The following KALRN variants were observed in gnomAD, a reference collection of about 807,000 sequenced individuals.
The protein encoded by KALRN is kalirin.
In KALRN, 70 loss-of-function variants were observed where a neutral mutation model predicts 353.7. The ratio of observed to expected loss-of-function variants is 0.20; its 90% CI spans 0.16 to 0.24. The LOEUF is 0.24. KALRN is among the 10% of genes least tolerant of loss of function. The pLI is 1.00. For missense variants in KALRN, 2,791 were observed against 3,756.7 expected, an observed-to-expected ratio of 0.74 and a Z score of 6.72; for synonymous variants, 1,391 against 1,434.8, an observed-to-expected ratio of 0.97 and a Z score of 0.69.
intron 34 of KALRN, among the ~76,000 whole-genome samples, chr3:124,578,023 A>G (rs974137957): frequency 1.3e-5 from 2 of 152,232 alleles, no homozygotes; most frequent in African/African-American, 4.8e-5. Flanking sequence ...CATAAAGAAG[A>G]AACCCCAACC....
intron 4 of KALRN, among the ~76,000 whole-genome samples, chr3:124,265,857 T>A (rs1161717012): frequency 6.6e-6 from 1 of 152,212 alleles, no homozygotes; most frequent in Non-Finnish European, 1.5e-5. Context: ...ACGCCTGTAC[T>A]GTAATCCCAA....
At chr3:124,302,398 A>G (rs1364849508) in intron 6 of KALRN, among the ~76,000 whole-genome samples, 2 of 152,238 alleles carry the variant, frequency 1.3e-5, no homozygotes, top group South Asian at 2.1e-4. Flanking sequence ...ACATTTTTCA[A>G]TCAACCATCT....
intron 10 of KALRN, among the ~76,000 whole-genome samples, chr3:124,347,653 C>T (rs1218309697): frequency 6.6e-6 from 1 of 152,060 alleles, no homozygotes; most frequent in Non-Finnish European, 1.5e-5. Context: ...TTAGATTCCT[C>T]ATCACCCCAG....
intron 9 of KALRN, 95 bp from the exon 10 acceptor site, chr3:124,347,048 T>A: frequency 6.4e-7 from 1 of 1,564,906 alleles, no homozygotes; most frequent in Non-Finnish European, 8.7e-7. Flanking sequence ...TGGGATGGGA[T>A]ATAGGGGTGG....
intron 1 of KALRN, among the ~76,000 whole-genome samples, chr3:124,171,869 T>G (rs1437746180): frequency 6.6e-6 from 1 of 152,122 alleles, no homozygotes. Flanking sequence ...CCTCCTGGGG[T>G]CCTGGGAAAG....
chr3:124,392,210 C>T (rs1402160305), intron 11 of KALRN, among the ~76,000 whole-genome samples: 10 of 152,096 alleles, frequency 6.6e-5, no homozygotes, highest in African/African-American at 2.4e-4. Flanking sequence ...CCAACATGCC[C>T]AGCTAATTTT....
rs759088354 is a variant in KALRN at position 124,395,326 on chromosome 3, G to A, written c.2154G>A (p.Gly718=). The A allele has an allele frequency of 5.0e-6, 8 of 1,612,570 alleles. No homozygotes were observed. Among genetic ancestry groups the A allele is most frequent in the Non-Finnish European group, 5.9e-6 (7 of 1,179,618 alleles). ...QQLRSAPPSL[G]EPSEARDSAV... The stretch of plus-strand genomic sequence containing the variant: ...TCAGGTCAGCGCCTCCCTCCCTCGG[G>A]GAGCCCAGCGAGGCCAGGTCAGCAT... Residue 718 remains glycine, a synonymous_variant, in exon 12 of 60, where the codon GGG becomes GGA. Transcript: ENST00000682506.
At chr3:124,070,640 G>A (rs958776043) in intron 1 of KALRN, among the ~76,000 whole-genome samples, 2 of 152,210 alleles carry the variant, frequency 1.3e-5, no homozygotes, top group African/African-American at 4.8e-5. Context: ...AGACCGTTAA[G>A]CTCCTGGAGG....
intron 1 of KALRN, among the ~76,000 whole-genome samples, chr3:124,149,352 G>A (rs988441397): frequency 1.3e-5 from 2 of 152,204 alleles, no homozygotes; most frequent in African/African-American, 4.8e-5. Context: ...ACAAGTAGGA[G>A]TCTTGGCACC....
rs750334523 is a variant in KALRN at position 124,701,940 on chromosome 3, G to A, written c.7997-98G>A. On this transcript the variant is annotated intron_variant, in intron 56 of 59. Transcript: ENST00000682506. ...AGTCAGACTCCATATTTGGTCATGA[G>A]AATTGCTTTGGGGTTACTCTGGAGC... The A allele has an allele frequency of 3.5e-6, 3 of 846,858 alleles. No homozygotes were observed. The Admixed American group carries it at 5.5e-5, about 15-fold the overall frequency. 52.5% of individuals were successfully genotyped at this position (846,858 alleles called of 1,614,324 possible).
chr3:124,425,919 G>C (rs530351886), intron 15 of KALRN, among the ~76,000 whole-genome samples: 1 of 152,228 alleles, frequency 6.6e-6, no homozygotes, highest in East Asian at 1.9e-4. Context: ...TCATGAGTGG[G>C]AAGACAAAAA....
At chr3:124,704,317 A>C (rs2062492525) in intron 57 of KALRN, among the ~76,000 whole-genome samples, 1 of 152,188 alleles carries the variant, frequency 6.6e-6, no homozygotes, top group Non-Finnish European at 1.5e-5. Flanking sequence ...TGCTATTATT[A>C]GCCATAGGTT....
At chr3:124,584,731 C>A in intron 34 of KALRN, 2 of 1,503,664 alleles carry the variant, frequency 1.3e-6, no homozygotes, top group Middle Eastern at 4.6e-4. Context: ...AGCCGGCTCT[C>A]GGGCGGCGGC....
rs755363438 is a variant in KALRN at position 124,413,488 on chromosome 3, G to A, written c.2365G>A (p.Ala789Thr). The A allele has an allele frequency of 5.0e-6, 8 of 1,613,926 alleles. No individual in the cohort carries two copies. The East Asian group carries it at 1.1e-4, about 22-fold the overall frequency. Residue 789 changes from alanine (A) to threonine (T), a missense_variant, in exon 14 of 60, where the codon GCC (alanine) becomes ACC (threonine). Ala to Thr is a moderately conservative substitution (Grantham distance 58). This residue lies in a region of KALRN where 452 missense variants were observed against 575.8 expected (regional missense o/e 0.78). Coordinates refer to ENST00000682506, the MANE Select transcript of KALRN (RefSeq NM_001388419.1). Reference protein sequence around the residue: ...YTIEVTAELDAWNEDLLRQMN... With the variant: ...YTIEVTAELDTWNEDLLRQMN... The stretch of plus-strand genomic sequence containing the variant: ...CTCACAGGTGACAGCAGAGCTAGAC[G>A]CCTGGAATGAAGACTTGCTTCGGCA...
intron 1 of KALRN, among the ~76,000 whole-genome samples, chr3:124,226,203 G>A (rs1444759): frequency 0.43 from 65,625 of 151,852 alleles, 14,813 homozygotes; most frequent in Non-Finnish European, 0.51. Flanking sequence ...CATTGCATGA[G>A]GATGAAAAAA....
intron 37 of KALRN, among the ~76,000 whole-genome samples, chr3:124,650,319 G>T (rs1255963180): frequency 6.6e-6 from 1 of 152,170 alleles, no homozygotes; most frequent in Admixed American, 6.5e-5. Flanking sequence ...AGAGAGGGAA[G>T]ATTTAATTTG....
rs983340902 is a variant in KALRN at position 124,662,027 on chromosome 3, G to T, written c.6345+99G>T. The T allele has an allele frequency of 2.1e-5, 20 of 942,268 alleles. No individual in the cohort carries two copies. In the Admixed American group the frequency reaches 3.4e-4, roughly 16 times the overall value. The allele number at this position is 942,268 out of a possible 1,614,324, so 58.4% of individuals were successfully genotyped here. Reference sequence around the variant, plus strand: ...CCCTGAAGCCTTGTGTCCTGCCTGTGCCTCCTTCACTCACCACTATGCCTT... The same window carrying T: ...CCCTGAAGCCTTGTGTCCTGCCTGTTCCTCCTTCACTCACCACTATGCCTT... On this transcript the variant is annotated intron_variant, in intron 45 of 59. Transcript: ENST00000682506.
chr3:124,257,080 GAGAGAAACTAACATTTTCAACAGGCT>G (rs1182571520), intron 3 of KALRN, among the ~76,000 whole-genome samples: 7 of 152,220 alleles, frequency 4.6e-5, no homozygotes, highest in African/African-American at 1.7e-4. Flanking sequence ...AGGCCATGGA[GAGAGAAACTAACATTTTCAACAGGCT>G]TCTGTATGGT....
At chr3:124,486,453 A>G (rs1299523789) in intron 28 of KALRN, among the ~76,000 whole-genome samples, 1 of 152,204 alleles carries the variant, frequency 6.6e-6, no homozygotes. Flanking sequence ...GGGTGACGTT[A>G]TACTGACTGG....
Sources: gnomAD v4.1 joint callset for allele counts (sites outside exome capture counted in the v4.1 genomes callset) on GRCh38, gnomAD v4.1.1 for gene constraint, gnomAD v4.1.1 regional missense constraint, MANE v1.5 for transcripts, NCBI Gene and HGNC (gene_info 2026-07-23, HGNC 2026-07-21) for gene names.